MTO1: variants seen among roughly 807,000 people sequenced by gnomAD.
The protein encoded by MTO1 is mitochondrial tRNA translation optimization 1, also known as 5-taurinomethyluridine-[tRNA] synthase subunit MTO1, mitochondrial.
In MTO1, 46 loss-of-function variants were observed where a neutral mutation model predicts 71.6. The ratio of observed to expected loss-of-function variants is 0.64; its 90% CI spans 0.51 to 0.82. The LOEUF is 0.82. Among genes scored for constraint, MTO1 ranks in the 40% least tolerant of loss-of-function variants. The pLI, the probability that MTO1 is intolerant of heterozygous loss-of-function variation, is 0.00. For synonymous variants in MTO1, 297 were observed against 312.1 expected, an observed-to-expected ratio of 0.95 and a Z score of 0.51; for missense variants, 773 against 867.5, an observed-to-expected ratio of 0.89 and a Z score of 1.37.
chr6:73,500,427 C>T, intron 11 of MTO1, 147 bp from the exon 12 acceptor site: 1 of 597,562 alleles, frequency 1.7e-6, no homozygotes, highest in Non-Finnish European at 2.6e-6. Context: ...ATCTACTTTA[C>T]AAGGAAATAT....
chr6:73,477,806 C>T (rs1561944419), intron 4 of MTO1, among the ~76,000 whole-genome samples: 1 of 151,958 alleles, frequency 6.6e-6, no homozygotes, highest in Non-Finnish European at 1.5e-5. Context: ...CAAGCCTAGC[C>T]CAAAACAACC....
rs1349085341 is a variant in MTO1, at chr6:73,501,845, T to G, written c.*1110T>G. 1.3e-5 allele frequency: 2 copies of G among 152,156 alleles called. No homozygotes were observed. Among genetic ancestry groups the G allele is most frequent in the African/African-American group, 4.8e-5 (2 of 41,438 alleles). The allele number at this position is 152,156 out of a possible 1,614,324, so 9.4% of individuals were successfully genotyped here. ...GCCCCAAAGTCACTTTGGCTACAGA[T>G]GTGTATGTTAAGCCTGATTATGGGT... is the stretch of plus-strand genomic sequence containing the variant. On this transcript the variant is annotated 3_prime_UTR_variant, in exon 12 of 12. Coordinates refer to ENST00000498286, the MANE Select transcript of MTO1 (RefSeq NM_012123.4).
chr6:73,482,298 A>G, intron 8 of MTO1, 54 bp downstream of exon 8: 1 of 1,594,266 alleles, frequency 6.3e-7, no homozygotes, highest in Non-Finnish European at 8.6e-7. Flanking sequence ...TCACACCTAT[A>G]ATCCAAGCAA....
chr6:73,473,721 CTTT>C (rs11417913), intron 4 of MTO1, 67 bp downstream of exon 4: 1,873 of 842,178 alleles, frequency 2.2e-3, no homozygotes, highest in Middle Eastern at 3.3e-3. Flanking sequence ...AGTACTGTAA[CTTT>C]TTTTTTTTTT....
intron 2 of MTO1, 32 bp from the exon 3 acceptor site, chr6:73,466,457 A>C: frequency 6.2e-7 from 1 of 1,613,260 alleles, no homozygotes; most frequent in Non-Finnish European, 8.5e-7. Flanking sequence ...TTGTTTAATT[A>C]CCATGTTTCA....
In MTO1 at chr6:73,500,232, A is replaced by G. The variant is rs1031087762; in HGVS notation, c.1918-342A>G. Among the ~76,000 whole-genome samples, 22 of 152,288 alleles carry G rather than the reference A, an allele frequency of 1.4e-4. 1 individual carries two copies. The highest frequency in any genetic ancestry group is 5.1e-4 in the African/African-American group (21 of 41,556). ...TCCCAGGCTGGCCTCAAGAATTTCA[A>G]ATAAGGGACTGTGGACCTGTATTTG... On this transcript the variant is annotated intron_variant, in intron 11 of 11. Transcript: ENST00000498286.
At chr6:73,462,105 G>A in intron 1 of MTO1, 34 bp downstream of exon 1, 2 of 1,603,520 alleles carry the variant, frequency 1.2e-6, no homozygotes, top group Non-Finnish European at 1.7e-6. Context: ...ACTTGGCGTA[G>A]GACGCAGGCT....
chr6:73,499,380 G>T (rs1049735053), intron 11 of MTO1, among the ~76,000 whole-genome samples: 1 of 151,850 alleles, frequency 6.6e-6, no homozygotes, highest in Non-Finnish European at 1.5e-5. Flanking sequence ...AAATAGGCCA[G>T]GTGCAGTGGC....
chr6:73,484,438 A>T (rs967145670), intron 9 of MTO1, among the ~76,000 whole-genome samples: 1 of 152,140 alleles, frequency 6.6e-6, no homozygotes, highest in Non-Finnish European at 1.5e-5. Context: ...GCAAAAGGGC[A>T]AAAAGCTCCC....
chr6:73,465,469 TTTTA>T (rs1489375456), intron 1 of MTO1, among the ~76,000 whole-genome samples: 1 of 151,772 alleles, frequency 6.6e-6, no homozygotes, highest in African/African-American at 2.4e-5. Context: ...CGGCCCTGTT[TTTTA>T]TTTATTTATT....
At chr6:73,468,097 C>T (rs1267812269) in intron 3 of MTO1, among the ~76,000 whole-genome samples, 1 of 151,968 alleles carries the variant, frequency 6.6e-6, no homozygotes, top group East Asian at 1.9e-4. Context: ...GGGATTACAG[C>T]TGTGAGCCAC....
chr6:73,481,499 C>T (rs1771491265), intron 7 of MTO1, among the ~76,000 whole-genome samples: 1 of 151,890 alleles, frequency 6.6e-6, no homozygotes, highest in Admixed American at 6.6e-5. Context: ...GGGCATGGTG[C>T]GTCACACCTG....
rs949730015 is a variant in MTO1 at position 73,507,565 on chromosome 6, T to G, written c.*6830T>G. The G allele has an allele frequency of 6.6e-6, 1 of 152,222 alleles. No homozygotes were observed. Among genetic ancestry groups the G allele is most frequent in the Non-Finnish European group, 1.5e-5 (1 of 68,042 alleles). 9.4% of individuals were successfully genotyped at this position (152,222 alleles called of 1,614,324 possible). A position where few individuals can be genotyped will look rare whatever the true frequency, so the allele number is the denominator to read the frequency against. ...GCCTTGCGAGGTGATGTAATTAAAG[T>G]CTAACTTCAAGTTGCTGTTGAGCAT... On this transcript the variant is annotated 3_prime_UTR_variant, in exon 12 of 12. Transcript: ENST00000498286.
chr6:73,481,097 G>C (rs775571775), intron 7 of MTO1: 6 of 366,544 alleles, frequency 1.6e-5, no homozygotes, highest in African/African-American at 1.3e-4. Context: ...GGGACTGCAG[G>C]CATGCACCAC....
At chr6:73,462,316 G>GT in intron 1 of MTO1, 1 of 565,608 alleles carries the variant, frequency 1.8e-6, no homozygotes. Flanking sequence ...GGAGGTTGGG[G>GT]TTCGGGGTCA....
At chr6:73,495,530 CATAT>C (rs1372733805) in intron 10 of MTO1, among the ~76,000 whole-genome samples, 1 of 151,608 alleles carries the variant, frequency 6.6e-6, no homozygotes, top group Non-Finnish European at 1.5e-5. Context: ...AAGACTCTGG[CATAT>C]ATAAAGACTC....
At chr6:73,487,615 C>T (rs528888033) in intron 9 of MTO1, 1 of 149,158 alleles carries the variant, frequency 6.7e-6, no homozygotes, top group African/African-American at 2.5e-5. Flanking sequence ...CTATGTTTCC[C>T]AGGCTGGAGT....
Position 73,503,947 on chromosome 6 carries a change from ACTC to A in MTO1, c.*3215_*3217del, listed in dbSNP as rs1430853897. 6.6e-6 allele frequency: 1 copy of A among 152,158 alleles called. No individual in the cohort carries two copies. The highest frequency in any genetic ancestry group is 2.4e-5 in the African/African-American group (1 of 41,514). The allele number at this position is 152,158 out of a possible 1,614,324, so 9.4% of individuals were successfully genotyped here. ...TGGCTTTTCTACTTCAGAAATTTCA[ACTC>A]CTAGAAGAATGCCCTGTCCAGAAGA... On this transcript the variant is annotated 3_prime_UTR_variant, in exon 12 of 12. Coordinates refer to ENST00000498286, the MANE Select transcript of MTO1 (RefSeq NM_012123.4).
rs151330992 is a variant in MTO1 at position 73,500,596 on chromosome 6, C to T, written c.1940C>T (p.Pro647Leu). ...PQTIGAASRI[P>L]GVTPAAIINL... ...TAGATCGGGGCTGCTAGTCGCATACCCGGAGTAACACCTGCCGCCATCATC... is the reference window on the plus strand; with the variant it reads ...TAGATCGGGGCTGCTAGTCGCATACTCGGAGTAACACCTGCCGCCATCATC... Residue 647 changes from proline (P) to leucine (L), a missense_variant, in exon 12 of 12, where the codon CCC becomes CTC. Coordinates refer to ENST00000498286, the MANE Select transcript of MTO1 (RefSeq NM_012123.4). 5.3e-4 allele frequency: 847 copies of T among 1,613,096 alleles called. 2 individuals carry two copies. Among genetic ancestry groups the T allele is most frequent in the Non-Finnish European group, 6.2e-4 (734 of 1,179,682 alleles).
Sources: gnomAD v4.1 joint callset for allele counts (sites outside exome capture counted in the v4.1 genomes callset) on GRCh38, gnomAD v4.1.1 for gene constraint, MANE v1.5 for transcripts, NCBI Gene and HGNC (gene_info 2026-07-23, HGNC 2026-07-21) for gene names.